SIPA1L2: variants seen among roughly 807,000 people sequenced by gnomAD.
SIPA1L2 encodes signal-induced proliferation-associated 1-like protein 2.
Under a neutral mutation model 163.9 loss-of-function variants are expected in SIPA1L2, and 56 were observed. That is an observed-to-expected ratio of 0.34 (90% confidence interval 0.28 to 0.43). The LOEUF (loss-of-function observed/expected upper bound fraction) is 0.43, where lower values mean the gene tolerates loss of function less well. Among genes scored for constraint, SIPA1L2 ranks in the 20% least tolerant of loss-of-function variants. The pLI, the probability that SIPA1L2 is intolerant of heterozygous loss-of-function variation, is 1.00. For synonymous variants in SIPA1L2, 877 were observed against 865.7 expected, an observed-to-expected ratio of 1.01 and a Z score of -0.23; for missense variants, 1,974 against 2,193.5, an observed-to-expected ratio of 0.90 and a Z score of 2.00.
At chr1:232,605,942 C>T (rs1373367729) in intron 1 of SIPA1L2, among the ~76,000 whole-genome samples, 1 of 152,172 alleles carries the variant, frequency 6.6e-6, no homozygotes, top group Non-Finnish European at 1.5e-5. Flanking sequence ...AATGCTGTAG[C>T]ACACACAGCA....
chr1:232,509,397 G>C lies in SIPA1L2; in HGVS notation c.1483+4460C>G, dbSNP rs183758970. ...GTTTTACACAGAACCCTGAAGCACAGAACAAAATAAAAGCACTCTGGAAAG... is the reference window on the plus strand; with the variant it reads ...GTTTTACACAGAACCCTGAAGCACACAACAAAATAAAAGCACTCTGGAAAG... On this transcript the variant is annotated intron_variant, in intron 3 of 22. Coordinates refer to ENST00000674635, the MANE Select transcript of SIPA1L2 (RefSeq NM_020808.5). Among the ~76,000 whole-genome samples, 21 of 152,134 alleles carry C rather than the reference G, an allele frequency of 1.4e-4. No homozygotes were observed. The East Asian group carries it at 4.1e-3, about 29-fold the overall frequency.
At chr1:232,535,914 C>T (rs1657277930) in intron 2 of SIPA1L2, among the ~76,000 whole-genome samples, 1 of 152,178 alleles carries the variant, frequency 6.6e-6, no homozygotes. Context: ...ATTTAATGTT[C>T]CATCAAAGTT....
rs576981547 is a variant in SIPA1L2, at chr1:232,582,459, C to T, written c.-318-8237G>A. Reference sequence around the variant, plus strand: ...TTGCTTAGGATTATGGTTTCCAACTCCATCCATGTTGGTATGAACGACGTG... The same window carrying T: ...TTGCTTAGGATTATGGTTTCCAACTTCATCCATGTTGGTATGAACGACGTG... On this transcript the variant is annotated intron_variant, in intron 1 of 22. Coordinates refer to ENST00000674635, the MANE Select transcript of SIPA1L2 (RefSeq NM_020808.5). 1.9e-4 allele frequency among the ~76,000 whole-genome samples: 29 copies of T among 152,328 alleles called. 1 individual carries two copies. The highest frequency in any genetic ancestry group is 1.2e-3 in the South Asian group (6 of 4,828).
chr1:232,502,386 C>T (rs1666526275), intron 3 of SIPA1L2, among the ~76,000 whole-genome samples: 1 of 152,176 alleles, frequency 6.6e-6, no homozygotes, highest in African/African-American at 2.4e-5. Flanking sequence ...AGGTGATTCC[C>T]ACTTTTAATC....
chr1:232,405,699 A>G (rs1660594602), intron 19 of SIPA1L2, among the ~76,000 whole-genome samples: 1 of 152,214 alleles, frequency 6.6e-6, no homozygotes, highest in South Asian at 2.1e-4. Context: ...CAGAAAAGGA[A>G]TGGAAAAGAA....
At chr1:232,446,597 A>T (rs1469498364) in intron 10 of SIPA1L2, among the ~76,000 whole-genome samples, 1 of 152,258 alleles carries the variant, frequency 6.6e-6, no homozygotes, top group Non-Finnish European at 1.5e-5. Flanking sequence ...GTGTTTGGTT[A>T]AATGCAGCAT....
intron 1 of SIPA1L2, among the ~76,000 whole-genome samples, chr1:232,587,911 C>T (rs941176312): frequency 2.6e-5 from 4 of 152,156 alleles, no homozygotes; most frequent in African/African-American, 7.2e-5. Context: ...TCTTATCTGC[C>T]GCCATGTGAG....
rs776408566 is a variant in SIPA1L2, at chr1:232,432,372, T to G, written c.4131A>C (p.Gln1377His). 4 of 1,614,216 alleles carry G rather than the reference T, an allele frequency of 2.5e-6. No individual in the cohort carries two copies. Among genetic ancestry groups the G allele is most frequent in the Non-Finnish European group, 3.4e-6 (4 of 1,180,030 alleles). ...KVYIVSHSSG[Q>H]QVPGSMSKPY... Reference sequence around the variant, plus strand: ...GCTTGGACATGGACCCGGGAACCTGTTGTCCGCTGCTGTGAGACACGATGT... The same window carrying G: ...GCTTGGACATGGACCCGGGAACCTGGTGTCCGCTGCTGTGAGACACGATGT... Residue 1377 changes from glutamine to histidine, a missense_variant, in exon 16 of 23, where the codon CAA becomes CAC. Gln to His is a conservative substitution (Grantham distance 24). Around this residue, in one of 3 missense-constraint regions of SIPA1L2, gnomAD observed 1,079 missense variants for 1,150.7 expected, o/e 0.94. Transcript: ENST00000674635.
intron 2 of SIPA1L2, among the ~76,000 whole-genome samples, chr1:232,572,621 C>T (rs1659793346): frequency 6.7e-6 from 1 of 150,250 alleles, no homozygotes; most frequent in East Asian, 1.9e-4. Context: ...CCCCCTCCTC[C>T]AGTGGTATTC....
chr1:232,451,184 GT>G (rs1216262724), intron 10 of SIPA1L2, among the ~76,000 whole-genome samples: 1 of 152,118 alleles, frequency 6.6e-6, no homozygotes, highest in Non-Finnish European at 1.5e-5. Context: ...ACTCAGTTCC[GT>G]TCCATATATA....
At chr1:232,520,617 C>T (rs920138792) in intron 2 of SIPA1L2, among the ~76,000 whole-genome samples, 2 of 151,978 alleles carry the variant, frequency 1.3e-5, no homozygotes, top group African/African-American at 4.8e-5. Context: ...AATTACGAGC[C>T]CCATTCAAGG....
chr1:232,404,261 TG>T, intron 19 of SIPA1L2, 83 bp from the exon 20 acceptor site: 1 of 1,202,340 alleles, frequency 8.3e-7, no homozygotes, highest in Non-Finnish European at 1.2e-6. Context: ...AATGCGGCTG[TG>T]TGAAGTAGTG....
intron 1 of SIPA1L2, among the ~76,000 whole-genome samples, chr1:232,576,435 T>C (rs1660080146): frequency 1.3e-5 from 2 of 152,216 alleles, no homozygotes; most frequent in Admixed American, 6.5e-5. Context: ...AAACAGTGTA[T>C]TTAATCCATA....
chr1:232,449,369 T>C (rs1204417508), intron 10 of SIPA1L2, among the ~76,000 whole-genome samples: 3 of 150,022 alleles, frequency 2.0e-5, no homozygotes, highest in African/African-American at 2.5e-5. Flanking sequence ...ATACAAAAAA[T>C]TGGCCGGGCA....
intron 1 of SIPA1L2, among the ~76,000 whole-genome samples, chr1:232,591,932 A>G (rs1040272204): frequency 6.6e-6 from 1 of 152,210 alleles, no homozygotes; most frequent in East Asian, 1.9e-4. Context: ...TGAAATGGCA[A>G]CAGCCTAAGC....
intron 1 of SIPA1L2, among the ~76,000 whole-genome samples, chr1:232,593,666 C>G (rs146685355): frequency 6.6e-6 from 1 of 152,122 alleles, no homozygotes; most frequent in African/African-American, 2.4e-5. Context: ...GAGTGGCCAG[C>G]ATTTTCCAAC....
At position 232,399,119 on chromosome 1, in the gene SIPA1L2, CG is replaced by C. The variant is rs757342826; in HGVS notation, c.*7del. On this transcript the variant is annotated 3_prime_UTR_variant, in exon 23 of 23. Coordinates refer to ENST00000674635, the MANE Select transcript of SIPA1L2 (RefSeq NM_020808.5). ...TTCCCAGTGGTCCCTTGATGAGGTG[CG>C]GATTGGCTAAGATTTTTTGTCGATG... is the stretch of plus-strand genomic sequence containing the variant. The C allele has an allele frequency of 1.9e-6, 3 of 1,613,802 alleles. No individual in the cohort carries two copies. In the East Asian group the frequency reaches 6.7e-5, roughly 36 times the overall value.
chr1:232,467,629 C>T (rs759282566), intron 8 of SIPA1L2, among the ~76,000 whole-genome samples: 3 of 152,182 alleles, frequency 2.0e-5, no homozygotes, highest in Admixed American at 1.3e-4. Flanking sequence ...ATATTGGGTA[C>T]GATAAACCAA....
At chr1:232,480,916 T>A (rs1296660066) in intron 6 of SIPA1L2, among the ~76,000 whole-genome samples, 2 of 152,198 alleles carry the variant, frequency 1.3e-5, no homozygotes, top group African/African-American at 4.8e-5. Context: ...GTCTTTCTAA[T>A]ATTCATATCC....
Sources: allele counts gnomAD v4.1 joint callset (sites outside exome capture counted in the v4.1 genomes callset), GRCh38; gene constraint gnomAD v4.1.1; regional missense constraint gnomAD v4.1.1; transcripts MANE v1.5; gene names NCBI Gene and HGNC (gene_info 2026-07-23, HGNC 2026-07-21).